The following CENPO variants were observed in gnomAD, a reference collection of about 807,000 sequenced individuals.
CENPO encodes the protein centromere protein O, also known as centromeric protein O.
Under a neutral mutation model 36.1 loss-of-function variants are expected in CENPO, and 30 were observed. The ratio of observed to expected loss-of-function variants is 0.83; its 90% CI spans 0.62 to 1.13. CENPO has a LOEUF of 1.13. Among genes scored for constraint, CENPO ranks in the 50% most tolerant of loss-of-function variants. The pLI is 0.00. For synonymous variants in CENPO, 171 were observed against 142.3 expected (o/e 1.20, Z -1.44); for missense variants, 349 against 357.8 (o/e 0.98, Z 0.20).
In CENPO at chr2:24,809,661, G is replaced by A. The variant is rs185304502; in HGVS notation, c.217-4715G>A. Among the ~76,000 whole-genome samples the A allele has an allele frequency of 2.7e-4, 41 of 149,262 alleles. 1 individual carries two copies. The East Asian group carries it at 6.9e-3, about 25-fold the overall frequency. ...TCCATTGTGTTATCTTCTTTGGCCC[G>A]TGGGTTTGTTTTATAAGTGTACCAA... On this transcript the variant is annotated intron_variant, in intron 3 of 7. Coordinates refer to ENST00000380834, the MANE Select transcript of CENPO (RefSeq NM_001322101.2).
At position 24,799,847 on chromosome 2, in the gene CENPO, G is replaced by A; in HGVS notation, c.216+3G>A. 6.2e-7 allele frequency: 1 copy of A among 1,612,690 alleles called. No homozygotes were observed. The highest frequency in any genetic ancestry group is 8.5e-7 in the Non-Finnish European group (1 of 1,179,844). On this transcript the variant is annotated splice_donor_region_variant and intron_variant, in intron 3 of 7. Coordinates refer to ENST00000380834, the MANE Select transcript of CENPO (RefSeq NM_001322101.2). ...TGGTGCGGCACCGGCGAGCCAGCGT[G>A]AGTAGAAGGGTGGTATCAGCAGTTC...
At position 24,819,660 on chromosome 2, in the gene CENPO, CA is replaced by C. The variant is rs1667240839; in HGVS notation, c.*343del. The C allele has an allele frequency of 2.8e-6, 1 of 357,888 alleles. No homozygotes were observed. The highest frequency in any genetic ancestry group is 4.4e-5 in the Admixed American group (1 of 22,540). The allele number at this position is 357,888 out of a possible 1,614,324, so 22.2% of individuals were successfully genotyped here. A position where few individuals can be genotyped will look rare whatever the true frequency, so the allele number is the denominator to read the frequency against. ...CCTGCTCACAGTGGTCAGGGCCCCT[CA>C]GGGGCAAGGACGGCAGGGATTGGAA... is the stretch of plus-strand genomic sequence containing the variant. On this transcript the variant is annotated 3_prime_UTR_variant, in exon 8 of 8. Coordinates refer to ENST00000380834, the MANE Select transcript of CENPO (RefSeq NM_001322101.2).
At chr2:24,797,599 G>A (rs951914525) in intron 2 of CENPO, among the ~76,000 whole-genome samples, 2 of 152,182 alleles carry the variant, frequency 1.3e-5, no homozygotes, top group Admixed American at 6.5e-5. Context: ...GAGGTAAAAT[G>A]TAAGTGTCAC....
chr2:24,795,914 G>A (rs912864677), intron 2 of CENPO, among the ~76,000 whole-genome samples: 9 of 152,190 alleles, frequency 5.9e-5, no homozygotes, highest in Non-Finnish European at 1.0e-4. Context: ...AGTTAATCAC[G>A]TGCTAATTAT....
chr2:24,794,937 A>C (rs796692094), intron 2 of CENPO, among the ~76,000 whole-genome samples: 3 of 152,200 alleles, frequency 2.0e-5, no homozygotes, highest in Admixed American at 6.5e-5. Flanking sequence ...TGGTTATCCT[A>C]TTTTTCTCTG....
At chr2:24,801,767 T>C (rs562932449) in intron 3 of CENPO, among the ~76,000 whole-genome samples, 58 of 152,360 alleles carry the variant, frequency 3.8e-4, no homozygotes, top group Admixed American at 1.4e-3. Flanking sequence ...GGGTGATGCC[T>C]CCAGCTTTGT....
rs1447748117 is a variant in CENPO, at chr2:24,793,876, C to T, written c.-44C>T. On this transcript the variant is annotated 5_prime_UTR_variant, in exon 2 of 8. Transcript: ENST00000380834. ...GCAAGGACATTGGAGTCCCTATCAC[C>T]GGTTGCCTAGACAACTTCATGGGAA... The T allele has an allele frequency of 1.9e-6, 3 of 1,614,058 alleles. No individual in the cohort carries two copies. The highest frequency in any genetic ancestry group is 2.7e-5 in the African/African-American group (2 of 75,050).
chr2:24,820,561 G>T lies in CENPO; in HGVS notation c.*1243G>T. ...GGGTGGAAGTGTTTCTTCCTGTGCTGAGGCTAGCTATTGCAGAGATTCTTT... is the reference window on the plus strand; with the variant it reads ...GGGTGGAAGTGTTTCTTCCTGTGCTTAGGCTAGCTATTGCAGAGATTCTTT... On this transcript the variant is annotated 3_prime_UTR_variant, in exon 8 of 8. Coordinates refer to ENST00000380834, the MANE Select transcript of CENPO (RefSeq NM_001322101.2). 2 of 1,423,638 alleles carry T rather than the reference G, an allele frequency of 1.4e-6. No homozygotes were observed. Among genetic ancestry groups the T allele is most frequent in the Non-Finnish European group, 9.3e-7 (1 of 1,075,932 alleles). The allele number at this position is 1,423,638 out of a possible 1,614,324, so 88.2% of individuals were successfully genotyped here.
rs1558383352 is a variant in CENPO, at chr2:24,817,720, A to G, written c.817A>G (p.Thr273Ala). Reference sequence around the variant, plus strand: ...GGAGGAGCAACGAGCATCTCATGAAACTCTGTTCTGTACGAAGCCCTTGCA... The same window carrying G: ...GGAGGAGCAACGAGCATCTCATGAAGCTCTGTTCTGTACGAAGCCCTTGCA... ...SWEEQRASHE[T>A]LFCTKPLHQV... The change falls in exon 7 of 8, where the codon ACT becomes GCT. Residue 273 changes from threonine (T) to alanine (A), a missense_variant. Coordinates refer to ENST00000380834, the MANE Select transcript of CENPO (RefSeq NM_001322101.2). The G allele has an allele frequency of 6.2e-7, 1 of 1,614,194 alleles. No homozygotes were observed. Among genetic ancestry groups the G allele is most frequent in the East Asian group, 2.2e-5 (1 of 44,888 alleles).
In CENPO at chr2:24,814,452, T is replaced by A; in HGVS notation, c.293T>A (p.Leu98Ter). ...GAGCAAGAAGCATTGGAAGAGAAAT[T>A]GGAAAATGTGAAAGCCATTCTGCAG... is the stretch of plus-strand genomic sequence containing the variant. ...INEQEALEEK[L>*]ENVKAILQAY... The change falls in exon 4 of 8, where the codon TTG becomes TAG. Residue 98 changes from leucine (L) to a stop codon, truncating the protein, a stop_gained. Transcript: ENST00000380834. LOFTEE classifies it high-confidence loss of function. 1.2e-6 allele frequency: 2 copies of A among 1,604,190 alleles called. No homozygotes were observed. The highest frequency in any genetic ancestry group is 1.7e-6 in the Non-Finnish European group (2 of 1,170,876).
intron 4 of CENPO, 144 bp downstream of exon 4, chr2:24,814,637 C>G: frequency 3.2e-6 from 2 of 616,498 alleles, no homozygotes; most frequent in Admixed American, 2.6e-5. Flanking sequence ...CACACACACA[C>G]ACAGACACAC....
rs1198839762 is a variant in CENPO, at chr2:24,804,896, T to C, written c.216+5052T>C. On this transcript the variant is annotated intron_variant, in intron 3 of 7. Coordinates refer to ENST00000380834, the MANE Select transcript of CENPO (RefSeq NM_001322101.2). ...CTGCCTTGCTAGTTTGGGGAAGTTC[T>C]CCTGGATAATATCCTGCAGAGTGTT... Among the ~76,000 whole-genome samples the C allele has an allele frequency of 3.9e-5, 6 of 152,244 alleles. No homozygotes were observed. In the East Asian group the frequency reaches 1.2e-3, roughly 29 times the overall value.
chr2:24,815,968 G>T, intron 5 of CENPO: 1 of 567,042 alleles, frequency 1.8e-6, no homozygotes, highest in Non-Finnish European at 3.1e-6. Context: ...CTGGTTAAAG[G>T]ATTATGCACC....
chr2:24,799,973 G>T, intron 3 of CENPO, 129 bp downstream of exon 3: 1 of 1,055,520 alleles, frequency 9.5e-7, no homozygotes, highest in Non-Finnish European at 1.4e-6. Context: ...TGCAGTCCTT[G>T]ATCCCTCAAA....
intron 3 of CENPO, among the ~76,000 whole-genome samples, chr2:24,808,387 G>T (rs1666521298): frequency 6.6e-6 from 1 of 151,960 alleles, no homozygotes; most frequent in African/African-American, 2.4e-5. Flanking sequence ...TTTTAGTAGA[G>T]ACGGGGTTTC....
At chr2:24,809,247 A>G (rs1477449736) in intron 3 of CENPO, among the ~76,000 whole-genome samples, 2 of 152,080 alleles carry the variant, frequency 1.3e-5, no homozygotes, top group Non-Finnish European at 2.9e-5. Flanking sequence ...CTCCTCGATC[A>G]GTCTTGGTGT....
intron 3 of CENPO, among the ~76,000 whole-genome samples, chr2:24,811,957 A>T (rs1666713362): frequency 6.6e-6 from 1 of 152,068 alleles, no homozygotes; most frequent in Non-Finnish European, 1.5e-5. Context: ...ATAGTATTTT[A>T]TTGTCTTATT....
chr2:24,817,050 C>T (rs1214019859), intron 6 of CENPO, among the ~76,000 whole-genome samples: 1 of 152,186 alleles, frequency 6.6e-6, no homozygotes, highest in Non-Finnish European at 1.5e-5. Context: ...GCCCACCCAC[C>T]TCAGCAGTGT....
Position 24,821,568 on chromosome 2 carries a change from T to C in CENPO, c.*2250T>C. On this transcript the variant is annotated 3_prime_UTR_variant, in exon 8 of 8. Coordinates refer to ENST00000380834, the MANE Select transcript of CENPO (RefSeq NM_001322101.2). ...GACTGGTTGTTGATGTTGGTGAGCGTATCCTTCATGGCCAGCGCGAAGTCG... is the reference window on the plus strand; with the variant it reads ...GACTGGTTGTTGATGTTGGTGAGCGCATCCTTCATGGCCAGCGCGAAGTCG... The C allele has an allele frequency of 1.2e-6, 2 of 1,614,110 alleles. No homozygotes were observed. The highest frequency in any genetic ancestry group is 2.2e-5 in the East Asian group (1 of 44,884).
Sources: gnomAD v4.1 joint callset for allele counts (sites outside exome capture counted in the v4.1 genomes callset) on GRCh38, gnomAD v4.1.1 for gene constraint, MANE v1.5 for transcripts, NCBI Gene and HGNC (gene_info 2026-07-23, HGNC 2026-07-21) for gene names.